PPARGC1A: variants seen among roughly 807,000 people sequenced by gnomAD.
PPARGC1A encodes the protein peroxisome proliferator-activated receptor gamma coactivator 1-alpha.
In PPARGC1A, 25 loss-of-function variants were observed where a neutral mutation model predicts 88.7. The observed-to-expected ratio is 0.28, with a 90% confidence interval of 0.21 to 0.39. The LOEUF is 0.39. Ranked by LOEUF, PPARGC1A falls within the 10% of genes least tolerant of loss-of-function variation. PPARGC1A has a pLI of 1.00. For missense variants in PPARGC1A, 880 were observed against 968.7 expected (o/e 0.91, Z 1.22); for synonymous variants, 363 against 355.6 (o/e 1.02, Z -0.24).
the PPARGC1A span, among the ~76,000 whole-genome samples, chr4:23,994,970 A>G: frequency 5.0e-4 from 76 of 152,320 alleles, no homozygotes; most frequent in African/African-American, 1.8e-3. Context: ...CAAAAGGAAC[A>G]CATTTACGAG....
the PPARGC1A span, among the ~76,000 whole-genome samples, chr4:24,032,096 G>A: frequency 6.6e-6 from 1 of 152,292 alleles, no homozygotes; most frequent in African/African-American, 2.4e-5. Flanking sequence ...CAGCGATATA[G>A]ATGCTTTCTT....
the PPARGC1A span, among the ~76,000 whole-genome samples, chr4:24,253,262 GCT>G: frequency 3.0e-5 from 4 of 133,706 alleles, no homozygotes; most frequent in Non-Finnish European, 7.1e-5. Flanking sequence ...TTCTTTTACT[GCT>G]CTTTTTGTTC....
chr4:24,371,293 A>C, the PPARGC1A span, among the ~76,000 whole-genome samples: 1 of 152,178 alleles, frequency 6.6e-6, no homozygotes, highest in African/African-American at 2.4e-5. Flanking sequence ...TTGGGTTCCC[A>C]TACCTTATAT....
At chr4:23,928,572 C>T in the PPARGC1A span, among the ~76,000 whole-genome samples, 5 of 151,928 alleles carry the variant, frequency 3.3e-5, no homozygotes, top group African/African-American at 1.2e-4. Context: ...CCAGAACTAC[C>T]ATTTGACCCA....
At chr4:23,803,515 A>G (rs1360230115) in intron 10 of PPARGC1A, among the ~76,000 whole-genome samples, 1 of 2,892 alleles carries the variant, frequency 3.5e-4, no homozygotes, top group Non-Finnish European at 5.5e-4. Context: ...AAATACAGGA[A>G]TAATATTTAT....
At chr4:23,802,189 G>C in intron 11 of PPARGC1A, 35 bp downstream of exon 11, 1 of 1,613,626 alleles carries the variant, frequency 6.2e-7, no homozygotes, top group Non-Finnish European at 8.5e-7. Context: ...ACATACGTCA[G>C]CTTCTAAACA....
At chr4:24,354,521 T>G in the PPARGC1A span, among the ~76,000 whole-genome samples, 1 of 152,228 alleles carries the variant, frequency 6.6e-6, no homozygotes, top group Non-Finnish European at 1.5e-5. Flanking sequence ...TCATTTAGTT[T>G]TCTTTTACTC....
the PPARGC1A span, among the ~76,000 whole-genome samples, chr4:23,958,806 T>C: frequency 6.6e-6 from 1 of 152,124 alleles, no homozygotes; most frequent in Non-Finnish European, 1.5e-5. Flanking sequence ...TAGATTGACA[T>C]GCCCTTCCTA....
the PPARGC1A span, among the ~76,000 whole-genome samples, chr4:24,417,843 C>T: frequency 6.6e-6 from 1 of 152,010 alleles, no homozygotes; most frequent in African/African-American, 2.4e-5. Flanking sequence ...TGAGTGGTTG[C>T]ATATTTCATT....
At chr4:23,812,128 C>T (rs1275015198) in intron 10 of PPARGC1A, among the ~76,000 whole-genome samples, 2 of 151,438 alleles carry the variant, frequency 1.3e-5, no homozygotes, top group South Asian at 2.1e-4. Flanking sequence ...TCTCCTATGT[C>T]GTTTCCTGTT....
At chr4:24,040,587 A>C in the PPARGC1A span, among the ~76,000 whole-genome samples, 4 of 152,166 alleles carry the variant, frequency 2.6e-5, no homozygotes. Flanking sequence ...TACATTAGTG[A>C]GTCCACTAAT....
At chr4:24,440,218 A>AC in the PPARGC1A span, among the ~76,000 whole-genome samples, 1 of 152,188 alleles carries the variant, frequency 6.6e-6, no homozygotes, top group South Asian at 2.1e-4. Context: ...TCAGAGGTGG[A>AC]CCAGAAATAT....
the PPARGC1A span, among the ~76,000 whole-genome samples, chr4:23,916,207 C>T: frequency 6.6e-6 from 1 of 152,156 alleles, no homozygotes; most frequent in Non-Finnish European, 1.5e-5. Flanking sequence ...TTTGAACTTA[C>T]CCTTCATTCG....
the PPARGC1A span, among the ~76,000 whole-genome samples, chr4:24,374,884 C>G: frequency 6.6e-6 from 1 of 152,054 alleles, no homozygotes; most frequent in African/African-American, 2.4e-5. Flanking sequence ...AACAATTCCA[C>G]TCCTAAGTAT....
At chr4:24,121,973 G>C in the PPARGC1A span, among the ~76,000 whole-genome samples, 3 of 152,252 alleles carry the variant, frequency 2.0e-5, no homozygotes, top group South Asian at 6.2e-4. Flanking sequence ...TGACTGGGAA[G>C]AGCGCGTCAC....
chr4:24,469,317 T>C, the PPARGC1A span, among the ~76,000 whole-genome samples: 1 of 152,140 alleles, frequency 6.6e-6, no homozygotes, highest in East Asian at 1.9e-4. Flanking sequence ...AAACTGGAGA[T>C]CAGTAAGGCC....
At chr4:24,202,210 T>C in the PPARGC1A span, among the ~76,000 whole-genome samples, 2 of 152,210 alleles carry the variant, frequency 1.3e-5, no homozygotes, top group Non-Finnish European at 2.9e-5. Context: ...CCCATTCTGA[T>C]GGACATCAGG....
At chr4:23,799,205 G>A (rs1463191434) in intron 12 of PPARGC1A, among the ~76,000 whole-genome samples, 1 of 152,062 alleles carries the variant, frequency 6.6e-6, no homozygotes, top group African/African-American at 2.4e-5. Context: ...ATTCTTCAGG[G>A]AACAAAGACA....
chr4:24,122,125 G>A, the PPARGC1A span, among the ~76,000 whole-genome samples: 1 of 152,078 alleles, frequency 6.6e-6, no homozygotes, highest in Non-Finnish European at 1.5e-5. Context: ...GAACTTCAAC[G>A]AGCAGATCAG....
Sources: gnomAD v4.1 joint callset for allele counts (sites outside exome capture counted in the v4.1 genomes callset) on GRCh38, gnomAD v4.1.1 for gene constraint, MANE v1.5 for transcripts, NCBI Gene and HGNC (gene_info 2026-07-23, HGNC 2026-07-21) for gene names.